The following NUP93 variants were observed in gnomAD, a reference collection of about 807,000 sequenced individuals.
NUP93 encodes nucleoporin 93, also known as nuclear pore complex protein Nup93.
NUP93 carries 55 observed loss-of-function variants against 107.8 expected under a neutral mutation model. The ratio of observed to expected loss-of-function variants is 0.51; its 90% CI spans 0.41 to 0.64. NUP93 has a LOEUF of 0.64. NUP93 is among the 30% of genes least tolerant of loss of function. NUP93 has a pLI of 0.00. For missense variants in NUP93, 937 were observed against 1,044.7 expected (o/e 0.90, Z 1.42); for synonymous variants, 390 against 397.5 (o/e 0.98, Z 0.22).
intron 2 of NUP93, among the ~76,000 whole-genome samples, chr16:56,757,025 G>T (rs1962037061): frequency 1.3e-5 from 2 of 152,084 alleles, no homozygotes; most frequent in South Asian, 4.1e-4. Flanking sequence ...CAACCTGGAG[G>T]GAAAGTCCCG....
intron 3 of NUP93, among the ~76,000 whole-genome samples, chr16:56,765,980 T>C (rs1365906489): frequency 6.6e-6 from 1 of 152,172 alleles, no homozygotes; most frequent in African/African-American, 2.4e-5. Context: ...GAATTAAAAA[T>C]GGTAACTTTG....
chr16:56,748,116 G>C (rs1310267901), intron 1 of NUP93, 118 bp from the exon 2 acceptor site: 2 of 625,096 alleles, frequency 3.2e-6, no homozygotes, highest in East Asian at 2.8e-5. Context: ...TTGATGAGCT[G>C]TGTCCTCGTC....
chr16:56,769,229 T>C (rs1180730860), intron 3 of NUP93, among the ~76,000 whole-genome samples: 6 of 152,186 alleles, frequency 3.9e-5, no homozygotes, highest in Non-Finnish European at 7.4e-5. Context: ...AAGTATAAAA[T>C]AGAAGTATAA....
intron 6 of NUP93, among the ~76,000 whole-genome samples, 178 bp from the exon 7 acceptor site, chr16:56,821,326 C>G (rs1027095114): frequency 1.3e-5 from 2 of 152,166 alleles, no homozygotes; most frequent in Admixed American, 6.5e-5. Context: ...TGGCAGTTAG[C>G]TTTGGTGTGT....
At chr16:56,734,272 G>A (rs1170446488) in intron 1 of NUP93, among the ~76,000 whole-genome samples, 1 of 152,208 alleles carries the variant, frequency 6.6e-6, no homozygotes, top group African/African-American at 2.4e-5. Context: ...AAGGAATTAA[G>A]GGGGTTAGCT....
chr16:56,763,527 T>G (rs377275792), intron 3 of NUP93, among the ~76,000 whole-genome samples: 13 of 126,546 alleles, frequency 1.0e-4, no homozygotes, highest in South Asian at 2.6e-4. Flanking sequence ...TGTGTGGGTG[T>G]GTGTGTGTGT....
chr16:56,841,624 G>C (rs538492059), intron 20 of NUP93, 81 bp from the exon 21 acceptor site: 1 of 1,553,444 alleles, frequency 6.4e-7, no homozygotes, highest in South Asian at 1.2e-5. Flanking sequence ...GGCCTGCCTG[G>C]AGCAGCCCAC....
chr16:56,738,978 A>G (rs1961657715), intron 1 of NUP93, among the ~76,000 whole-genome samples: 2 of 138,808 alleles, frequency 1.4e-5, no homozygotes, highest in Non-Finnish European at 1.5e-5. Context: ...CCCTTAATCC[A>G]TTTAATCCTG....
intron 3 of NUP93, among the ~76,000 whole-genome samples, chr16:56,797,924 C>T (rs16962114): frequency 0.035 from 5,251 of 152,202 alleles, 123 homozygotes; most frequent in East Asian, 0.075. Context: ...CTGTATTAAA[C>T]GAGCAGTGGA....
chr16:56,803,213 C>T (rs1963058938), intron 4 of NUP93, among the ~76,000 whole-genome samples: 1 of 152,176 alleles, frequency 6.6e-6, no homozygotes, highest in Non-Finnish European at 1.5e-5. Flanking sequence ...CATCCCAGCA[C>T]TTTGGGAGGC....
intron 2 of NUP93, 54 bp from the exon 3 acceptor site, chr16:56,758,484 C>G (rs1962067500): frequency 7.5e-7 from 1 of 1,334,882 alleles, no homozygotes; most frequent in Admixed American, 1.7e-5. Flanking sequence ...ATGTCCTAAT[C>G]CTAATCCTAA....
At chr16:56,824,433 TTAG>T (rs1286934492) in intron 8 of NUP93, among the ~76,000 whole-genome samples, 1 of 152,192 alleles carries the variant, frequency 6.6e-6, no homozygotes, top group African/African-American at 2.4e-5. Flanking sequence ...GTTCCCTTCG[TTAG>T]TAGGACCCAT....
At chr16:56,832,415 C>T (rs756480905) in intron 12 of NUP93, 27 bp downstream of exon 12, 1 of 1,565,066 alleles carries the variant, frequency 6.4e-7, no homozygotes, top group South Asian at 1.1e-5. Context: ...AACCACCTTT[C>T]CCTTCTCTTG....
chr16:56,798,045 G>A (rs1962938518), intron 3 of NUP93, among the ~76,000 whole-genome samples: 1 of 152,222 alleles, frequency 6.6e-6, no homozygotes, highest in Non-Finnish European at 1.5e-5. Flanking sequence ...AAAGCACATA[G>A]ACAAGTGGGC....
intron 21 of NUP93, among the ~76,000 whole-genome samples, chr16:56,843,001 C>T (rs185343274): frequency 3.3e-5 from 5 of 152,354 alleles, no homozygotes; most frequent in African/African-American, 1.2e-4. Flanking sequence ...TGTCTGTGAG[C>T]TCTTTCCACT....
At chr16:56,839,446 T>A (rs71387139) in intron 19 of NUP93, 75 bp from the exon 20 acceptor site, 1 of 1,195,342 alleles carries the variant, frequency 8.4e-7, no homozygotes. Context: ...GTATGTGAGG[T>A]GCTGACTTTA....
chr16:56,809,967 G>A (rs141615590), intron 5 of NUP93, among the ~76,000 whole-genome samples: 4 of 152,260 alleles, frequency 2.6e-5, no homozygotes, highest in African/African-American at 9.6e-5. Context: ...AACAGCTCAT[G>A]GTTTTATAAA....
At chr16:56,768,860 C>G (rs1962268385) in intron 3 of NUP93, among the ~76,000 whole-genome samples, 1 of 97,866 alleles carries the variant, frequency 1.0e-5, no homozygotes, top group Non-Finnish European at 2.0e-5. Flanking sequence ...GAGCAAGACT[C>G]TGTCTCAAAA....
chr16:56,736,408 T>G (rs1395153832), intron 1 of NUP93, among the ~76,000 whole-genome samples: 2 of 152,222 alleles, frequency 1.3e-5, no homozygotes, highest in Non-Finnish European at 2.9e-5. Flanking sequence ...TCTGAGTCTG[T>G]AGTATTTCGT....
Sources: allele counts gnomAD v4.1 joint callset (sites outside exome capture counted in the v4.1 genomes callset), GRCh38; gene constraint gnomAD v4.1.1; transcripts MANE v1.5; gene names NCBI Gene and HGNC (gene_info 2026-07-23, HGNC 2026-07-21).